Variants in ATP6V0E2 observed in about 807,000 individuals in gnomAD.
ATP6V0E2 encodes the protein ATPase H+ transporting V0 subunit e2, also known as V-type proton ATPase subunit e 2.
A neutral mutation model predicts 11.5 loss-of-function variants in ATP6V0E2; 4 were observed. The ratio of observed to expected loss-of-function variants is 0.35; its 90% CI spans 0.17 to 0.80. The LOEUF (loss-of-function observed/expected upper bound fraction) is 0.80, where lower values mean the gene tolerates loss of function less well. Among genes scored for constraint, ATP6V0E2 ranks in the 30% least tolerant of loss-of-function variants. The pLI is 0.53. For synonymous variants in ATP6V0E2, 52 were observed against 51.0 expected (o/e 1.02, Z -0.09); for missense variants, 93 against 113.5 (o/e 0.82, Z 0.82).
chr7:149,878,509 C>T (rs1185051738), intron 2 of ATP6V0E2, among the ~76,000 whole-genome samples, 169 bp from the exon 3 acceptor site: 3 of 152,168 alleles, frequency 2.0e-5, no homozygotes, highest in Non-Finnish European at 4.4e-5. Flanking sequence ...ATACCAACCC[C>T]ATGTGCCTGC....
intron 2 of ATP6V0E2, among the ~76,000 whole-genome samples, chr7:149,876,817 C>A (rs1017619487): frequency 2.2e-4 from 33 of 152,212 alleles, no homozygotes; most frequent in African/African-American, 7.9e-4. Flanking sequence ...TCAGAATAAT[C>A]AAAACAGGAC....
In ATP6V0E2 at chr7:149,879,545, G is replaced by A. The variant is rs1803343860; in HGVS notation, c.*230G>A. The A allele has an allele frequency of 3.2e-6, 5 of 1,559,094 alleles. No homozygotes were observed. The highest frequency in any genetic ancestry group is 3.5e-6 in the Non-Finnish European group (4 of 1,153,390). ...GCCCTGGGCACAGCAGCGGCCGAGG[G>A]GATGTCCTGCTCCAATACCCGCACT... On this transcript the variant is annotated 3_prime_UTR_variant, in exon 4 of 4. Coordinates refer to ENST00000425642, the MANE Select transcript of ATP6V0E2 (RefSeq NM_145230.4).
At chr7:149,876,569 T>A (rs984807260) in intron 2 of ATP6V0E2, among the ~76,000 whole-genome samples, 48 of 152,302 alleles carry the variant, frequency 3.2e-4, no homozygotes, top group African/African-American at 1.1e-3. Context: ...ATTAAAAAAA[T>A]TTTTTAAAAG....
In ATP6V0E2 at chr7:149,874,207, C is replaced by A. The variant is rs1217527566; in HGVS notation, c.104+38C>A. On this transcript the variant is annotated intron_variant, in intron 1 of 3. Coordinates refer to ENST00000425642, the MANE Select transcript of ATP6V0E2 (RefSeq NM_145230.4). ...CGCAGGCCCTGCAGACCTCTCCACC[C>A]CGGCCCCCTGGCCCGGCTCGCCCCT... 21 of 1,522,594 alleles carry A rather than the reference C, an allele frequency of 1.4e-5. No homozygotes were observed. In the African/African-American group the frequency reaches 1.9e-4, roughly 14 times the overall value. 94.3% of individuals were successfully genotyped at this position (1,522,594 alleles called of 1,614,324 possible).
chr7:149,879,589 T>C lies in ATP6V0E2; in HGVS notation c.*274T>C. 1 of 1,482,400 alleles carries C rather than the reference T, an allele frequency of 6.7e-7. No homozygotes were observed. Among genetic ancestry groups the C allele is most frequent in the Non-Finnish European group, 9.0e-7 (1 of 1,113,562 alleles). 91.8% of individuals were successfully genotyped at this position (1,482,400 alleles called of 1,614,324 possible). On this transcript the variant is annotated 3_prime_UTR_variant, in exon 4 of 4. Coordinates refer to ENST00000425642, the MANE Select transcript of ATP6V0E2 (RefSeq NM_145230.4). ...CCGCACTGCTCTGGAGTTTGCCCTC[T>C]TTCCCAAGGAGATGCTGCTGGGGAG...
At chr7:149,876,612 C>T (rs933832498) in intron 2 of ATP6V0E2, among the ~76,000 whole-genome samples, 1 of 152,208 alleles carries the variant, frequency 6.6e-6, no homozygotes. Flanking sequence ...CCGCATCCAT[C>T]CCAAACCTGC....
intron 1 of ATP6V0E2, among the ~76,000 whole-genome samples, 152 bp from the exon 2 acceptor site, chr7:149,875,446 C>T (rs1191823713): frequency 1.3e-5 from 2 of 152,130 alleles, no homozygotes; most frequent in Non-Finnish European, 2.9e-5. Context: ...GCTATTCTTA[C>T]CCTGAGTAGA....
chr7:149,880,632 G>A lies in ATP6V0E2; in HGVS notation c.*1317G>A, dbSNP rs1803418749. On this transcript the variant is annotated 3_prime_UTR_variant, in exon 4 of 4. Coordinates refer to ENST00000425642, the MANE Select transcript of ATP6V0E2 (RefSeq NM_145230.4). ...TCCGTCGCCCCTCCTGTTGGGTAAGGGTGTTGAGTGTGACTTGTGCTGAAA... is the reference window on the plus strand; with the variant it reads ...TCCGTCGCCCCTCCTGTTGGGTAAGAGTGTTGAGTGTGACTTGTGCTGAAA... The A allele has an allele frequency of 6.6e-6, 1 of 152,398 alleles. No homozygotes were observed. Among genetic ancestry groups the A allele is most frequent in the Non-Finnish European group, 1.5e-5 (1 of 68,176 alleles). The allele number at this position is 152,398 out of a possible 1,614,324, so 9.4% of individuals were successfully genotyped here.
At chr7:149,878,310 C>T (rs1803259016) in intron 2 of ATP6V0E2, among the ~76,000 whole-genome samples, 2 of 152,194 alleles carry the variant, frequency 1.3e-5, no homozygotes, top group Non-Finnish European at 2.9e-5. Flanking sequence ...CAGGCCTGCC[C>T]TGTTCGCTCC....
At position 149,878,786 on chromosome 7, in the gene ATP6V0E2, C is replaced by G. The variant is rs1419692813; in HGVS notation, c.*15C>G. On this transcript the variant is annotated 3_prime_UTR_variant, in exon 3 of 4. Coordinates refer to ENST00000425642, the MANE Select transcript of ATP6V0E2 (RefSeq NM_145230.4). ...TGTGGGAGTGACCCGCCGCCCCCGA[C>G]CCAGGTACTGTGTGGGCGAGGGGTG... 2.5e-6 allele frequency: 4 copies of G among 1,612,640 alleles called. No homozygotes were observed. The South Asian group carries it at 4.4e-5, about 18-fold the overall frequency.
chr7:149,879,647 G>A lies in ATP6V0E2; in HGVS notation c.*332G>A. 2.7e-6 allele frequency: 4 copies of A among 1,455,830 alleles called. No homozygotes were observed. The highest frequency in any genetic ancestry group is 2.6e-5 in the East Asian group (1 of 39,116). 90.2% of individuals were successfully genotyped at this position (1,455,830 alleles called of 1,614,324 possible). On this transcript the variant is annotated 3_prime_UTR_variant, in exon 4 of 4. Coordinates refer to ENST00000425642, the MANE Select transcript of ATP6V0E2 (RefSeq NM_145230.4). Reference sequence around the variant, plus strand: ...GGGTGGGGTCTTTCCCTTTACAGACGGGGCAGATGCCAGGACTCAGCCCAT... The same window carrying A: ...GGGTGGGGTCTTTCCCTTTACAGACAGGGCAGATGCCAGGACTCAGCCCAT...
Position 149,879,367 on chromosome 7 carries a change from T to C in ATP6V0E2, c.*52T>C. 1 of 1,568,842 alleles carries C rather than the reference T, an allele frequency of 6.4e-7. No individual in the cohort carries two copies. Among genetic ancestry groups the C allele is most frequent in the African/African-American group, 1.4e-5 (1 of 73,462 alleles). On this transcript the variant is annotated 3_prime_UTR_variant, in exon 4 of 4. Coordinates refer to ENST00000425642, the MANE Select transcript of ATP6V0E2 (RefSeq NM_145230.4). ...GCTCTCGGAATGACTGTGGCTCCAC[T>C]GTCCCTGACAACCCCTTCGTCCGGA...
chr7:149,874,590 T>G (rs1803026462), intron 1 of ATP6V0E2: 1 of 179,414 alleles, frequency 5.6e-6, no homozygotes, highest in African/African-American at 2.4e-5. Context: ...GTAACGCATT[T>G]AAAACACCTA....
intron 2 of ATP6V0E2, among the ~76,000 whole-genome samples, chr7:149,876,464 A>T (rs4419731): frequency 3.9e-5 from 6 of 152,112 alleles, no homozygotes; most frequent in South Asian, 4.1e-4. Context: ...GGACTTGAAT[A>T]CCTGGAGAGT....
In ATP6V0E2 at chr7:149,879,712, G is replaced by T. The variant is rs1180988146; in HGVS notation, c.*397G>T. The T allele has an allele frequency of 3.7e-6, 5 of 1,350,490 alleles. No homozygotes were observed. Among genetic ancestry groups the T allele is most frequent in the Non-Finnish European group, 4.8e-6 (5 of 1,042,178 alleles). 83.7% of individuals were successfully genotyped at this position (1,350,490 alleles called of 1,614,324 possible). On this transcript the variant is annotated 3_prime_UTR_variant, in exon 4 of 4. Coordinates refer to ENST00000425642, the MANE Select transcript of ATP6V0E2 (RefSeq NM_145230.4). ...GTGTCCTCATGGAGAGGGTGCTCCGGCCCAGGCGGGGGAGTCAGTGCCCAG... is the reference window on the plus strand; with the variant it reads ...GTGTCCTCATGGAGAGGGTGCTCCGTCCCAGGCGGGGGAGTCAGTGCCCAG...
At chr7:149,875,910 G>A in intron 2 of ATP6V0E2, 7 of 664,010 alleles carry the variant, frequency 1.1e-5, no homozygotes, top group Non-Finnish European at 1.9e-5. Context: ...CAAGGAAGGA[G>A]GCAGGCCACC....
At chr7:149,879,273 G>A in intron 3 of ATP6V0E2, 62 bp from the exon 4 acceptor site, 1 of 1,426,674 alleles carries the variant, frequency 7.0e-7, no homozygotes, top group Non-Finnish European at 9.2e-7. Context: ...TTCCAGGGAG[G>A]GTTGGGGGCA....
rs1803288517 is a variant in ATP6V0E2 at position 149,878,710 on chromosome 7, C to T, written c.185C>T (p.Pro62Leu). 6.2e-7 allele frequency: 1 copy of T among 1,612,896 alleles called. No homozygotes were observed. The highest frequency in any genetic ancestry group is 8.5e-7 in the Non-Finnish European group (1 of 1,179,868). ...WLIAILAQLN[P>L]LFGPQLKNET... ...ATCGCCATCCTGGCGCAGCTGAACC[C>T]CCTGTTCGGGCCCCAGCTGAAGAAT... Residue 62 changes from proline to leucine, a missense_variant, in exon 3 of 4, where the codon CCC (proline) becomes CTC (leucine). By Grantham distance (98) the Pro-to-Leu change is moderately conservative. Transcript: ENST00000425642.
At chr7:149,873,858 C>G, upstream of ATP6V0E2, 1 of 1,455,414 alleles carries the variant, frequency 6.9e-7, no homozygotes, top group Non-Finnish European at 9.0e-7. Flanking sequence ...CCTGCTCAGC[C>G]AATCAGCGAG....
Sources: gnomAD v4.1 joint callset for allele counts (sites outside exome capture counted in the v4.1 genomes callset) on GRCh38, gnomAD v4.1.1 for gene constraint, MANE v1.5 for transcripts, NCBI Gene and HGNC (gene_info 2026-07-23, HGNC 2026-07-21) for gene names.